The following CLEC6A variants were observed in gnomAD, a reference collection of about 807,000 sequenced individuals.
CLEC6A encodes the protein C-type lectin domain family 6 member A.
Under a neutral mutation model 25.7 loss-of-function variants are expected in CLEC6A, and 22 were observed. The ratio of observed to expected loss-of-function variants is 0.85; its 90% CI spans 0.61 to 1.22. CLEC6A has a LOEUF of 1.22. CLEC6A is among the 50% of genes most tolerant of loss of function. The probability of loss-of-function intolerance (pLI) is 0.00; values close to 1 mark genes in which losing one functional copy is unlikely to be tolerated. For synonymous variants in CLEC6A, 92 were observed against 76.7 expected (o/e 1.20, Z -1.04); for missense variants, 240 against 236.8 (o/e 1.01, Z -0.09).
rs558400007 is a variant in CLEC6A, at chr12:8,470,113, A to T, written c.369+4484A>T. Among the ~76,000 whole-genome samples the T allele has an allele frequency of 2.6e-5, 4 of 152,310 alleles. No individual in the cohort carries two copies. In the South Asian group the frequency reaches 6.2e-4, roughly 24 times the overall value. ...AAAAATACAAACAATCCCATCAAAA[A>T]GTGGGCTAAGGACATGAATAGACAA... is the stretch of plus-strand genomic sequence containing the variant. On this transcript the variant is annotated intron_variant, in intron 4 of 5. Transcript: ENST00000382073.
intron 4 of CLEC6A, among the ~76,000 whole-genome samples, chr12:8,466,875 A>G (rs1939838547): frequency 6.6e-6 from 1 of 152,048 alleles, no homozygotes; most frequent in Non-Finnish European, 1.5e-5. Flanking sequence ...GCTGGTCTTG[A>G]ACTCCTGACC....
At chr12:8,457,540 G>A (rs757865572) in intron 1 of CLEC6A, among the ~76,000 whole-genome samples, 1 of 152,308 alleles carries the variant, frequency 6.6e-6, no homozygotes, top group East Asian at 1.9e-4. Flanking sequence ...AAACATGGGA[G>A]TGCAGATATC....
chr12:8,471,245 G>T (rs1392744371), intron 4 of CLEC6A, among the ~76,000 whole-genome samples: 1 of 151,926 alleles, frequency 6.6e-6, no homozygotes, highest in Non-Finnish European at 1.5e-5. Context: ...TTAGTCTGTT[G>T]TTTTTTCATA....
Position 8,477,685 on chromosome 12 carries a change from G to T in CLEC6A, c.*221G>T. ...GATAGAATGCACCCTTCCTCTCTTTGTTCCATTCTTTCACTTGTTATTCAT... is the reference window on the plus strand; with the variant it reads ...GATAGAATGCACCCTTCCTCTCTTTTTTCCATTCTTTCACTTGTTATTCAT... On this transcript the variant is annotated 3_prime_UTR_variant, in exon 6 of 6. Transcript: ENST00000382073. The T allele has an allele frequency of 2.8e-6, 1 of 355,094 alleles. No individual in the cohort carries two copies. Among genetic ancestry groups the T allele is most frequent in the Non-Finnish European group, 5.0e-6 (1 of 198,254 alleles). 22.0% of individuals were successfully genotyped at this position (355,094 alleles called of 1,614,324 possible).
chr12:8,475,984 C>G (rs1008471762), intron 4 of CLEC6A, 141 bp from the exon 5 acceptor site: 5 of 532,620 alleles, frequency 9.4e-6, no homozygotes, highest in Admixed American at 7.1e-5. Flanking sequence ...GCCTGTACTC[C>G]TGGTCAGAAG....
intron 4 of CLEC6A, 108 bp downstream of exon 4, chr12:8,465,737 A>G (rs1939821279): frequency 4.5e-6 from 4 of 885,566 alleles, no homozygotes; most frequent in Non-Finnish European, 6.4e-6. Flanking sequence ...TACTATTTTC[A>G]CATTACTGGG....
At chr12:8,463,889 T>C (rs1390095742) in intron 3 of CLEC6A, among the ~76,000 whole-genome samples, 1 of 152,250 alleles carries the variant, frequency 6.6e-6, no homozygotes, top group Non-Finnish European at 1.5e-5. Context: ...TGATCACAGC[T>C]GTCAATATTT....
At chr12:8,468,187 C>G (rs548795235) in intron 4 of CLEC6A, among the ~76,000 whole-genome samples, 1 of 152,224 alleles carries the variant, frequency 6.6e-6, no homozygotes. Flanking sequence ...AAGTGATCCA[C>G]CCACCTCGGC....
intron 3 of CLEC6A, chr12:8,461,011 G>T (rs954904337): frequency 4.7e-6 from 7 of 1,474,614 alleles, no homozygotes; most frequent in African/African-American, 4.2e-5. Context: ...ATTTTTGGGG[G>T]TTATCCTCAT....
chr12:8,470,031 A>G (rs1249668504), intron 4 of CLEC6A, among the ~76,000 whole-genome samples: 1 of 152,156 alleles, frequency 6.6e-6, no homozygotes, highest in East Asian at 1.9e-4. Context: ...TGCAATCTCT[A>G]CATTCAACAA....
intron 4 of CLEC6A, among the ~76,000 whole-genome samples, chr12:8,469,306 C>T (rs1032706946): frequency 2.6e-5 from 4 of 152,116 alleles, no homozygotes; most frequent in Non-Finnish European, 4.4e-5. Context: ...AATGGAAACA[C>T]ATCCTATGCT....
chr12:8,457,109 C>CA (rs550398985), intron 1 of CLEC6A, among the ~76,000 whole-genome samples: 626 of 131,984 alleles, frequency 4.7e-3, no homozygotes, highest in South Asian at 0.018. Context: ...GACTCCATGT[C>CA]AAAAAAAAAA....
chr12:8,467,016 C>G (rs1400827203), intron 4 of CLEC6A, among the ~76,000 whole-genome samples: 1 of 152,136 alleles, frequency 6.6e-6, no homozygotes, highest in Non-Finnish European at 1.5e-5. Flanking sequence ...CTATTCAAGT[C>G]CTTTGCCCTC....
In CLEC6A at chr12:8,456,977, G is replaced by A. The variant is rs981940129; in HGVS notation, c.31+835G>A. ...AGACAAAACTTAGCTGGGCATGGTGGCATGCACCTGTAATCCTAGCCACTC... is the reference window on the plus strand; with the variant it reads ...AGACAAAACTTAGCTGGGCATGGTGACATGCACCTGTAATCCTAGCCACTC... On this transcript the variant is annotated intron_variant, in intron 1 of 5. Coordinates refer to ENST00000382073, the MANE Select transcript of CLEC6A (RefSeq NM_001007033.2). Among the ~76,000 whole-genome samples, 4 of 152,040 alleles carry A rather than the reference G, an allele frequency of 2.6e-5. No homozygotes were observed. In the South Asian group the frequency reaches 8.3e-4, roughly 32 times the overall value.
rs1026330152 is a variant in CLEC6A, at chr12:8,461,003, T to G, written c.223+1305T>G. 2.2e-5 allele frequency: 30 copies of G among 1,390,614 alleles called. 1 individual carries two copies. The Admixed American group carries it at 4.7e-4, about 22-fold the overall frequency. The allele number at this position is 1,390,614 out of a possible 1,614,324, so 86.1% of individuals were successfully genotyped here. ...GTTGGTGAAGATTCCACATAAAAAT[T>G]TTTGGGGGTTATCCTCATTGATCCA... On this transcript the variant is annotated intron_variant, in intron 3 of 5. Coordinates refer to ENST00000382073, the MANE Select transcript of CLEC6A (RefSeq NM_001007033.2).
At chr12:8,471,401 A>G (rs1364924928) in intron 4 of CLEC6A, among the ~76,000 whole-genome samples, 1 of 152,006 alleles carries the variant, frequency 6.6e-6, no homozygotes, top group Non-Finnish European at 1.5e-5. Flanking sequence ...TCACCAGTGA[A>G]GCCTTCTGAT....
At position 8,477,985 on chromosome 12, in the gene CLEC6A, T is replaced by C. The variant is rs1461705087; in HGVS notation, c.*521T>C. 1 of 152,140 alleles carries C rather than the reference T, an allele frequency of 6.6e-6. No individual in the cohort carries two copies. Among genetic ancestry groups the C allele is most frequent in the African/African-American group, 2.4e-5 (1 of 41,440 alleles). The allele number at this position is 152,140 out of a possible 1,614,324, so 9.4% of individuals were successfully genotyped here. On this transcript the variant is annotated 3_prime_UTR_variant, in exon 6 of 6. Transcript: ENST00000382073. ...AATGTAACCTGGAAATAAATTTTATTCTGCAGTTAGGGATTTGGCATTTTA... is the reference window on the plus strand; with the variant it reads ...AATGTAACCTGGAAATAAATTTTATCCTGCAGTTAGGGATTTGGCATTTTA...
At chr12:8,463,483 A>G (rs1214779806) in intron 3 of CLEC6A, among the ~76,000 whole-genome samples, 1 of 152,202 alleles carries the variant, frequency 6.6e-6, no homozygotes, top group African/African-American at 2.4e-5. Flanking sequence ...CTAAGTCAGT[A>G]AATTAGAATG....
rs372627213 is a variant in CLEC6A at position 8,460,862 on chromosome 12, G to A, written c.223+1164G>A. The A allele has an allele frequency of 1.0e-3, 936 of 899,340 alleles. 14 individuals carry two copies. The South Asian group carries it at 0.01, about 10-fold the overall frequency. The allele number at this position is 899,340 out of a possible 1,614,324, so 55.7% of individuals were successfully genotyped here. The stretch of plus-strand genomic sequence containing the variant: ...CCAGTTCCTAAGGGTACAACTTACC[G>A]CAAGCCTGTCTATCACGGTGTTAAC... On this transcript the variant is annotated intron_variant, in intron 3 of 5. Coordinates refer to ENST00000382073, the MANE Select transcript of CLEC6A (RefSeq NM_001007033.2).
Sources: allele counts gnomAD v4.1 joint callset (sites outside exome capture counted in the v4.1 genomes callset), GRCh38; gene constraint gnomAD v4.1.1; transcripts MANE v1.5; gene names NCBI Gene and HGNC (gene_info 2026-07-23, HGNC 2026-07-21).